The following SDK1 variants were observed in gnomAD, a reference collection of about 807,000 sequenced individuals.
The protein encoded by SDK1 is protein sidekick-1.
SDK1 carries 157 observed loss-of-function variants against 245.5 expected under a neutral mutation model. That is an observed-to-expected ratio of 0.64 (90% confidence interval 0.56 to 0.73). The LOEUF is 0.73. Among genes scored for constraint, SDK1 ranks in the 30% least tolerant of loss-of-function variants. SDK1 has a pLI of 0.00. For synonymous variants in SDK1, 1,647 were observed against 1,278.5 expected (o/e 1.29, Z -6.15); for missense variants, 3,583 against 3,002.3 (o/e 1.19, Z -4.52).
rs1221906589 is a variant in SDK1 at position 4,220,371 on chromosome 7, G to A, written c.5701+101G>A. On this transcript the variant is annotated intron_variant, in intron 39 of 44. Transcript: ENST00000404826. ...CCATCTACATGGTCAACAAGGTGAT[G>A]TTGGCGGCCAAGAGCTGGCATCAAC... is the stretch of plus-strand genomic sequence containing the variant. 1.3e-5 allele frequency: 17 copies of A among 1,320,958 alleles called. No individual in the cohort carries two copies. The East Asian group carries it at 3.3e-4, about 26-fold the overall frequency. The allele number at this position is 1,320,958 out of a possible 1,614,324, so 81.8% of individuals were successfully genotyped here. A position where few individuals can be genotyped will look rare whatever the true frequency, so the allele number is the denominator to read the frequency against.
chr7:3,725,270 A>G (rs1778975642), intron 4 of SDK1, among the ~76,000 whole-genome samples: 1 of 152,142 alleles, frequency 6.6e-6, no homozygotes, highest in Non-Finnish European at 1.5e-5. Context: ...ACTCCCAGCA[A>G]TTTCATGAGA....
intron 44 of SDK1, among the ~76,000 whole-genome samples, chr7:4,264,476 G>A (rs1284056356): frequency 2.2e-5 from 3 of 136,368 alleles, no homozygotes; most frequent in African/African-American, 5.4e-5. Context: ...GAGGGAGGCC[G>A]CGTGGACCTC....
chr7:3,521,203 C>T (rs1479833677), intron 1 of SDK1, among the ~76,000 whole-genome samples: 2 of 152,180 alleles, frequency 1.3e-5, no homozygotes, highest in African/African-American at 4.8e-5. Flanking sequence ...GCAAGAGCAG[C>T]TTGAGAGCCA....
intron 1 of SDK1, among the ~76,000 whole-genome samples, chr7:3,404,280 T>G (rs1778994408): frequency 6.6e-6 from 1 of 152,158 alleles, no homozygotes. Flanking sequence ...AAGGTGTGCC[T>G]ATATATGTTT....
chr7:3,857,637 T>C (rs1780579446), intron 5 of SDK1, among the ~76,000 whole-genome samples: 2 of 151,262 alleles, frequency 1.3e-5, no homozygotes, highest in African/African-American at 4.9e-5. Flanking sequence ...CAGTGATCTA[T>C]GATGGCACCA....
chr7:3,349,373 G>A (rs923592101), intron 1 of SDK1, among the ~76,000 whole-genome samples: 3 of 151,886 alleles, frequency 2.0e-5, no homozygotes, highest in African/African-American at 7.3e-5. Context: ...AAAGAAGCCT[G>A]CTCCTCCAAC....
intron 1 of SDK1, among the ~76,000 whole-genome samples, chr7:3,543,997 T>A (rs1303010880): frequency 6.6e-6 from 1 of 152,240 alleles, no homozygotes; most frequent in Non-Finnish European, 1.5e-5. Context: ...TCTCTACTAC[T>A]GCTCAACTGA....
intron 43 of SDK1, among the ~76,000 whole-genome samples, chr7:4,244,061 T>G (rs1274249432): frequency 6.6e-6 from 1 of 152,160 alleles, no homozygotes; most frequent in Non-Finnish European, 1.5e-5. Flanking sequence ...CCTTGAGCCT[T>G]CACTGGGCCT....
intron 1 of SDK1, among the ~76,000 whole-genome samples, chr7:3,584,506 T>C (rs146049943): frequency 1.3e-5 from 2 of 152,132 alleles, no homozygotes; most frequent in Admixed American, 1.3e-4. Flanking sequence ...AAGTCCCCTG[T>C]GGGGCCGCTC....
rs150489698 is a variant in SDK1 at position 3,556,818 on chromosome 7, A to T, written c.299-62262A>T. Among the ~76,000 whole-genome samples the T allele has an allele frequency of 2.1e-3, 321 of 152,176 alleles. 1 individual carries two copies. The highest frequency in any genetic ancestry group is 7.1e-3 in the African/African-American group (295 of 41,544). On this transcript the variant is annotated intron_variant, in intron 1 of 44. Transcript: ENST00000404826. ...CAAATAAATAAATAAAAATAAAATA[A>T]CTAGAAGAGTATAATTGGATTGTTT... is the stretch of plus-strand genomic sequence containing the variant.
At chr7:4,237,929 T>C (rs993555014) in intron 42 of SDK1, 145 bp downstream of exon 42, 2 of 1,008,376 alleles carry the variant, frequency 2.0e-6, no homozygotes, top group Non-Finnish European at 2.9e-6. Context: ...ATAGGTTTTC[T>C]TTCTGGGGGC....
chr7:3,429,455 C>T (rs1443683120), intron 1 of SDK1, among the ~76,000 whole-genome samples: 2 of 152,058 alleles, frequency 1.3e-5, no homozygotes, highest in Non-Finnish European at 2.9e-5. Context: ...AGATACCAGA[C>T]CCAAACATTA....
chr7:4,097,268 C>CA (rs1554339347), intron 22 of SDK1, among the ~76,000 whole-genome samples: 45,296 of 151,718 alleles, frequency 0.3, 8,022 homozygotes, highest in African/African-American at 0.5. Context: ...AGCTCCTGTA[C>CA]GGCCAGGGGC....
chr7:3,579,159 G>A (rs1042332031), intron 1 of SDK1, among the ~76,000 whole-genome samples: 1 of 152,096 alleles, frequency 6.6e-6, no homozygotes, highest in East Asian at 1.9e-4. Context: ...AATTGAGGAG[G>A]AGGGATTCCT....
chr7:3,439,826 T>A (rs1388259443), intron 1 of SDK1, among the ~76,000 whole-genome samples: 1 of 152,194 alleles, frequency 6.6e-6, no homozygotes, highest in Non-Finnish European at 1.5e-5. Context: ...AACTACACCC[T>A]TGAAGACCTC....
At chr7:3,532,984 A>G (rs1189980073) in intron 1 of SDK1, among the ~76,000 whole-genome samples, 1 of 152,244 alleles carries the variant, frequency 6.6e-6, no homozygotes, top group East Asian at 1.9e-4. Flanking sequence ...GAGACTGTAC[A>G]AACATGAACA....
intron 1 of SDK1, among the ~76,000 whole-genome samples, chr7:3,349,503 C>G (rs4722711): frequency 0.38 from 58,434 of 152,022 alleles, 11,466 homozygotes; most frequent in African/African-American, 0.46. Context: ...ATGTGTTCTG[C>G]GGGGACCAGC....
intron 1 of SDK1, among the ~76,000 whole-genome samples, chr7:3,439,032 T>C (rs1194297391): frequency 4.6e-5 from 7 of 151,934 alleles, no homozygotes; most frequent in Non-Finnish European, 1.0e-4. Flanking sequence ...TTTGTATTTT[T>C]AGTAGAGATG....
intron 1 of SDK1, among the ~76,000 whole-genome samples, chr7:3,503,220 G>C (rs1437840937): frequency 6.6e-6 from 1 of 152,166 alleles, no homozygotes; most frequent in African/African-American, 2.4e-5. Flanking sequence ...CCTGGAAGAA[G>C]AAGAAGTAAG....
Sources: allele counts gnomAD v4.1 joint callset (sites outside exome capture counted in the v4.1 genomes callset), GRCh38; gene constraint gnomAD v4.1.1; transcripts MANE v1.5; gene names NCBI Gene and HGNC (gene_info 2026-07-23, HGNC 2026-07-21).